The following MAP7 variants were observed in gnomAD, a reference collection of about 807,000 sequenced individuals.
MAP7 encodes the protein ensconsin.
A neutral mutation model predicts 94.8 loss-of-function variants in MAP7; 52 were observed. The ratio of observed to expected loss-of-function variants is 0.55; its 90% CI spans 0.44 to 0.69. MAP7 has a LOEUF of 0.69. MAP7 is among the 30% of genes least tolerant of loss of function. The pLI is 0.00. For synonymous variants in MAP7, 350 were observed against 357.0 expected (o/e 0.98, Z 0.22); for missense variants, 940 against 964.6 (o/e 0.97, Z 0.34).
intron 1 of MAP7, among the ~76,000 whole-genome samples, chr6:136,457,435 T>A (rs887248201): frequency 1.3e-5 from 2 of 152,076 alleles, no homozygotes; most frequent in Non-Finnish European, 2.9e-5. Flanking sequence ...TTCCATGAAA[T>A]TGAAGAAGAG....
chr6:136,506,544 A>G (rs577695392), intron 1 of MAP7, among the ~76,000 whole-genome samples: 1 of 151,674 alleles, frequency 6.6e-6, no homozygotes, highest in East Asian at 1.9e-4. Context: ...ATCAGGGGGC[A>G]TCTGCTCTTC....
intron 17 of MAP7, 83 bp downstream of exon 17, chr6:136,345,773 A>T: frequency 9.3e-7 from 1 of 1,079,586 alleles, no homozygotes; most frequent in Non-Finnish European, 1.4e-6. Context: ...TACCACAATC[A>T]TACTGTAGAA....
chr6:136,408,796 A>C (rs1786430456), intron 3 of MAP7, among the ~76,000 whole-genome samples: 1 of 152,110 alleles, frequency 6.6e-6, no homozygotes, highest in Admixed American at 6.5e-5. Flanking sequence ...AAAAATTTCC[A>C]CTGCTGTTAT....
At chr6:136,492,874 G>A (rs1817039782) in intron 1 of MAP7, among the ~76,000 whole-genome samples, 1 of 151,916 alleles carries the variant, frequency 6.6e-6, no homozygotes, top group South Asian at 2.1e-4. Context: ...CTGTCTACTT[G>A]GAAGGAAGAA....
chr6:136,540,576 A>T lies in MAP7; in HGVS notation c.67+9766T>A, dbSNP rs1269603302. Among the ~76,000 whole-genome samples the T allele has an allele frequency of 2.6e-5, 4 of 152,230 alleles. No individual in the cohort carries two copies. The East Asian group carries it at 7.7e-4, about 29-fold the overall frequency. On this transcript the variant is annotated intron_variant, in intron 1 of 17. Transcript: ENST00000354570. ...TTCACATCTATATTTCCTTCAAAAA[A>T]GTCCTGGGGCAAAATAAGAGACAAC...
intron 1 of MAP7, among the ~76,000 whole-genome samples, chr6:136,502,521 A>G (rs1820088467): frequency 1.3e-5 from 2 of 152,326 alleles, no homozygotes; most frequent in East Asian, 1.9e-4. Context: ...AAGCATAAGT[A>G]GTGGAGTGGC....
intron 3 of MAP7, among the ~76,000 whole-genome samples, chr6:136,402,837 C>T (rs1346922137): frequency 4.0e-5 from 5 of 123,794 alleles, no homozygotes; most frequent in African/African-American, 9.3e-5. Context: ...ACCTGGGAGG[C>T]GGAGCTTGCA....
intron 1 of MAP7, among the ~76,000 whole-genome samples, chr6:136,472,837 A>C (rs1809494802): frequency 6.6e-6 from 1 of 152,138 alleles, no homozygotes; most frequent in South Asian, 2.1e-4. Flanking sequence ...TCTCCCTAAA[A>C]AAAAAATAAA....
At chr6:136,452,562 T>G (rs1475868321) in intron 1 of MAP7, among the ~76,000 whole-genome samples, 1 of 152,018 alleles carries the variant, frequency 6.6e-6, no homozygotes, top group African/African-American at 2.4e-5. Context: ...TTTTTTAATT[T>G]TTTTTTTTGA....
At chr6:136,433,684 C>T (rs1223001644) in intron 1 of MAP7, among the ~76,000 whole-genome samples, 1 of 152,164 alleles carries the variant, frequency 6.6e-6, no homozygotes, top group Non-Finnish European at 1.5e-5. Context: ...TTTTGCAAGC[C>T]TAACCTGCAT....
intron 1 of MAP7, among the ~76,000 whole-genome samples, chr6:136,547,058 C>T (rs1829791924): frequency 6.6e-6 from 1 of 152,160 alleles, no homozygotes; most frequent in South Asian, 2.1e-4. Flanking sequence ...AGGGGACAAG[C>T]TTAATACCAA....
rs1582666078 is a variant in MAP7, at chr6:136,360,758, A to G, written c.1742T>C (p.Val581Ala). The change falls in exon 13 of 18, where the codon GTC (valine) becomes GCC (alanine). Residue 581 changes from valine (V) to alanine (A), a missense_variant. Transcript: ENST00000354570. ...GAAATGCTTCTCTCGTTCCTGCCGG[A>G]CCCTCTCTGCTTCTTCACGAACGCG... is the stretch of plus-strand genomic sequence containing the variant. ...EARVREEAER[V>A]RQEREKHFQR... 2 of 1,613,788 alleles carry G rather than the reference A, an allele frequency of 1.2e-6. No individual in the cohort carries two copies. The highest frequency in any genetic ancestry group is 2.2e-5 in the South Asian group (2 of 91,076).
Position 136,407,011 on chromosome 6 carries a change from C to T in MAP7, c.244+4609G>A, listed in dbSNP as rs79706382. Reference sequence around the variant, plus strand: ...AAAACTTACCTTGCCAATTATGGCACGCCCACACAATAAAAAGTACAACCA... The same window carrying T: ...AAAACTTACCTTGCCAATTATGGCATGCCCACACAATAAAAAGTACAACCA... On this transcript the variant is annotated intron_variant, in intron 3 of 17. Coordinates refer to ENST00000354570, the MANE Select transcript of MAP7 (RefSeq NM_003980.6). 3.6e-3 allele frequency among the ~76,000 whole-genome samples: 544 copies of T among 152,310 alleles called. 4 individuals are homozygous for T. The highest frequency in any genetic ancestry group is 0.012 in the African/African-American group (507 of 41,568).
At chr6:136,445,832 T>C (rs1293768331) in intron 1 of MAP7, among the ~76,000 whole-genome samples, 2 of 152,222 alleles carry the variant, frequency 1.3e-5, no homozygotes, top group African/African-American at 4.8e-5. Flanking sequence ...TGAATAACAT[T>C]GTCTCTGTAA....
chr6:136,434,049 G>A (rs1195903411), intron 1 of MAP7, among the ~76,000 whole-genome samples: 3 of 152,142 alleles, frequency 2.0e-5, no homozygotes, highest in African/African-American at 4.8e-5. Flanking sequence ...GCTCACACCT[G>A]TAACCACAGC....
chr6:136,443,758 C>G (rs1798546788), intron 1 of MAP7, among the ~76,000 whole-genome samples: 1 of 152,130 alleles, frequency 6.6e-6, no homozygotes, highest in African/African-American at 2.4e-5. Context: ...CCCCCTTCTA[C>G]TTTCGTAAGG....
At chr6:136,445,610 A>G (rs1043744128) in intron 1 of MAP7, among the ~76,000 whole-genome samples, 7 of 152,188 alleles carry the variant, frequency 4.6e-5, no homozygotes, top group African/African-American at 1.7e-4. Context: ...TTAGGTACCA[A>G]CATAGGTAGA....
In MAP7 at chr6:136,366,352, T is replaced by C; in HGVS notation, c.964A>G (p.Arg322Gly). The C allele has an allele frequency of 6.2e-7, 1 of 1,614,154 alleles. No individual in the cohort carries two copies. Among genetic ancestry groups the C allele is most frequent in the Non-Finnish European group, 8.5e-7 (1 of 1,180,002 alleles). ...RAVSPSNPKA[R>G]QPARSRLWLP... Reference sequence around the variant, plus strand: ...CAAAGTCGGGAGCGAGCTGGTTGTCTTGCTTTGGGATTAGATGGAGATACA... The same window carrying C: ...CAAAGTCGGGAGCGAGCTGGTTGTCCTGCTTTGGGATTAGATGGAGATACA... The change falls in exon 9 of 18, where the codon AGA (arginine) becomes GGA (glycine). Residue 322 changes from arginine (R) to glycine (G), a missense_variant. Physicochemically the swap from Arg to Gly is moderately radical, Grantham distance 125 (BLOSUM62 -2). Transcript: ENST00000354570.
At chr6:136,475,579 A>G (rs1810606581) in intron 1 of MAP7, among the ~76,000 whole-genome samples, 1 of 152,230 alleles carries the variant, frequency 6.6e-6, no homozygotes, top group Non-Finnish European at 1.5e-5. Context: ...TTTGAAATAT[A>G]ATAAACATAC....
Sources: gnomAD v4.1 joint callset for allele counts (sites outside exome capture counted in the v4.1 genomes callset) on GRCh38, gnomAD v4.1.1 for gene constraint, MANE v1.5 for transcripts, NCBI Gene and HGNC (gene_info 2026-07-23, HGNC 2026-07-21) for gene names.